Variants in IL1RAPL2 observed in about 807,000 individuals in gnomAD.
IL1RAPL2 encodes X-linked interleukin-1 receptor accessory protein-like 2.
IL1RAPL2 carries 3 observed loss-of-function variants against 44.1 expected under a neutral mutation model. The ratio of observed to expected loss-of-function variants is 0.07; its 90% CI spans 0.03 to 0.18. The LOEUF is 0.18. Among genes scored for constraint, IL1RAPL2 ranks in the 10% least tolerant of loss-of-function variants. The pLI, the probability that IL1RAPL2 is intolerant of heterozygous loss-of-function variation, is 1.00. For synonymous variants in IL1RAPL2, 181 were observed against 178.8 expected (o/e 1.01, Z -0.10); for missense variants, 391 against 496.4 (o/e 0.79, Z 2.02).
chrX:104,928,810 A>T (rs1268296416), intron 2 of IL1RAPL2, among the ~76,000 whole-genome samples: 1 of 111,210 alleles, frequency 9.0e-6, no homozygotes, highest in Non-Finnish European at 1.9e-5. Flanking sequence ...ATGGGGAAAA[A>T]TTGGGCTTCT....
At chrX:105,299,149 T>C (rs2034676482) in intron 5 of IL1RAPL2, among the ~76,000 whole-genome samples, 1 of 112,013 alleles carries the variant, frequency 8.9e-6, no homozygotes. Flanking sequence ...ATATGTTAGA[T>C]CTGTTTTTAA....
At chrX:105,600,498 T>C (rs1397799421) in intron 6 of IL1RAPL2, among the ~76,000 whole-genome samples, 1 of 109,101 alleles carries the variant, frequency 9.2e-6, no homozygotes, top group East Asian at 2.8e-4. Flanking sequence ...ATCTTAACTA[T>C]CAATTAATAA....
At chrX:104,801,631 G>T (rs1602734108) in intron 2 of IL1RAPL2, among the ~76,000 whole-genome samples, 1 of 111,519 alleles carries the variant, frequency 9.0e-6, no homozygotes, top group Non-Finnish European at 1.9e-5. Flanking sequence ...ACACAGTTTG[G>T]TTATGGTAAT....
At chrX:105,247,354 C>T (rs977075746) in intron 4 of IL1RAPL2, among the ~76,000 whole-genome samples, 3 of 110,739 alleles carry the variant, frequency 2.7e-5, no homozygotes, top group Non-Finnish European at 3.8e-5. Flanking sequence ...CACTTAATCA[C>T]TCACATCACT....
chrX:105,738,113 G>A (rs1252930533), intron 7 of IL1RAPL2, among the ~76,000 whole-genome samples: 1 of 111,555 alleles, frequency 9.0e-6, no homozygotes, highest in Non-Finnish European at 1.9e-5. Context: ...AAGCAGAAGA[G>A]GTTAAGCCAA....
At chrX:104,750,966 T>A (rs1226923420) in intron 2 of IL1RAPL2, among the ~76,000 whole-genome samples, 1 of 111,474 alleles carries the variant, frequency 9.0e-6, no homozygotes, top group Non-Finnish European at 1.9e-5. Context: ...ATTCACTTTC[T>A]TCATATATAA....
At chrX:104,958,099 A>G (rs1469470242) in intron 2 of IL1RAPL2, among the ~76,000 whole-genome samples, 2 of 111,170 alleles carry the variant, frequency 1.8e-5, no homozygotes, top group Non-Finnish European at 3.8e-5. Flanking sequence ...TCTCAAAGTA[A>G]ATAAATGAAT....
At chrX:105,224,813 G>T (rs1487487255) in intron 3 of IL1RAPL2, among the ~76,000 whole-genome samples, 1 of 111,506 alleles carries the variant, frequency 9.0e-6, no homozygotes, top group Non-Finnish European at 1.9e-5. Flanking sequence ...CAGTGAAATT[G>T]GTTGGGGAAG....
chrX:105,608,117 A>C (rs903596747), intron 6 of IL1RAPL2, among the ~76,000 whole-genome samples: 8 of 111,298 alleles, frequency 7.2e-5, no homozygotes, highest in Non-Finnish European at 1.5e-4. Flanking sequence ...GTTCAGGAGG[A>C]GAAACCTCTT....
chrX:105,100,268 TAAAG>T (rs1295326177), intron 2 of IL1RAPL2, among the ~76,000 whole-genome samples: 1 of 111,741 alleles, frequency 8.9e-6, no homozygotes, highest in African/African-American at 3.3e-5. Context: ...CAGCCACAGA[TAAAG>T]AAGAACTACT....
intron 2 of IL1RAPL2, among the ~76,000 whole-genome samples, chrX:105,148,382 T>C (rs768569383): frequency 1.1e-4 from 12 of 111,979 alleles, no homozygotes; most frequent in African/African-American, 3.9e-4. Flanking sequence ...AAGGAACATA[T>C]GTGAAAATGT....
chrX:105,219,628 C>G, intron 3 of IL1RAPL2: 1 of 1,210,142 alleles, frequency 8.3e-7, no homozygotes, highest in South Asian at 1.8e-5. Flanking sequence ...TCCTTTTCCT[C>G]CAGCAGCACC....
chrX:104,586,089 C>T (rs1928555218), intron 1 of IL1RAPL2, among the ~76,000 whole-genome samples: 1 of 112,038 alleles, frequency 8.9e-6, no homozygotes, highest in Admixed American at 9.5e-5. Context: ...TTTTTCTCCA[C>T]AACCTCACCA....
chrX:105,360,132 G>T (rs1250407741), intron 5 of IL1RAPL2, among the ~76,000 whole-genome samples: 1 of 110,760 alleles, frequency 9.0e-6, no homozygotes, highest in Non-Finnish European at 1.9e-5. Flanking sequence ...TAGCAACTTG[G>T]GATAAGTAAT....
chrX:105,401,554 A>G (rs1478245983), intron 5 of IL1RAPL2, among the ~76,000 whole-genome samples: 1 of 111,088 alleles, frequency 9.0e-6, no homozygotes, highest in Non-Finnish European at 1.9e-5. Flanking sequence ...CAATTCATCT[A>G]TACTTTTCAG....
chrX:104,964,024 C>T (rs1184442398), intron 2 of IL1RAPL2, among the ~76,000 whole-genome samples: 2 of 109,612 alleles, frequency 1.8e-5, no homozygotes, highest in Non-Finnish European at 3.8e-5. Context: ...AGGTACTTTT[C>T]ATGACCTATG....
At chrX:105,742,014 T>A (rs187021867) in intron 8 of IL1RAPL2, among the ~76,000 whole-genome samples, 1 of 111,274 alleles carries the variant, frequency 9.0e-6, no homozygotes, top group Admixed American at 9.6e-5. Context: ...CCCAAACACC[T>A]TGTGGCAAGG....
intron 2 of IL1RAPL2, among the ~76,000 whole-genome samples, chrX:104,951,472 T>C (rs1925584172): frequency 8.9e-6 from 1 of 112,611 alleles, no homozygotes; most frequent in African/African-American, 3.2e-5. Context: ...ATCATTCATA[T>C]TCAACTTTCT....
chrX:105,690,943 ATTCTGAAGGTCTCTTCTC>A (rs2038030520), intron 6 of IL1RAPL2, among the ~76,000 whole-genome samples: 1 of 111,268 alleles, frequency 9.0e-6, no homozygotes, highest in Admixed American at 9.6e-5. Context: ...GATAGGTTTT[ATTCTGAAGGTCTCTTCTC>A]TTGACTTGTA....
Sources: allele counts gnomAD v4.1 joint callset (sites outside exome capture counted in the v4.1 genomes callset), GRCh38; gene constraint gnomAD v4.1.1; transcripts MANE v1.5; gene names NCBI Gene and HGNC (gene_info 2026-07-23, HGNC 2026-07-21).